MAML2: variants seen among roughly 807,000 people sequenced by gnomAD.
MAML2 encodes mastermind like transcriptional coactivator 2, also known as mastermind-like protein 2.
In MAML2, 22 loss-of-function variants were observed where a neutral mutation model predicts 96.1. That is an observed-to-expected ratio of 0.23 (90% CI 0.16 to 0.33). MAML2 has a LOEUF of 0.33. MAML2 is among the 10% of genes least tolerant of loss of function. The pLI is 1.00. For missense variants in MAML2, 1,367 were observed against 1,392.4 expected, an observed-to-expected ratio of 0.98 and a Z score of 0.29; for synonymous variants, 561 against 521.3, an observed-to-expected ratio of 1.08 and a Z score of -1.04.
At chr11:96,098,482 C>T (rs1045418418) in intron 1 of MAML2, among the ~76,000 whole-genome samples, 2 of 152,182 alleles carry the variant, frequency 1.3e-5, no homozygotes, top group Non-Finnish European at 2.9e-5. Context: ...ATTCATGAGA[C>T]TGTGCATTTA....
At chr11:96,222,667 T>C (rs1481676815) in intron 1 of MAML2, among the ~76,000 whole-genome samples, 4 of 152,232 alleles carry the variant, frequency 2.6e-5, no homozygotes, top group Non-Finnish European at 5.9e-5. Context: ...AGTACTCACC[T>C]ATTACCTTGA....
At chr11:96,221,689 CTTT>C (rs71040137) in intron 1 of MAML2, among the ~76,000 whole-genome samples, 16 of 105,758 alleles carry the variant, frequency 1.5e-4, no homozygotes, top group Admixed American at 2.0e-4. Context: ...TTCAGTCAAG[CTTT>C]TTTTTTTTTT....
chr11:96,250,353 C>G (rs554671638), intron 1 of MAML2, among the ~76,000 whole-genome samples: 3 of 152,014 alleles, frequency 2.0e-5, no homozygotes, highest in Non-Finnish European at 4.4e-5. Flanking sequence ...GTGCTCTGAT[C>G]AAGATAATTA....
At chr11:96,233,477 A>C (rs1367489480) in intron 1 of MAML2, among the ~76,000 whole-genome samples, 1 of 151,578 alleles carries the variant, frequency 6.6e-6, no homozygotes, top group African/African-American at 2.4e-5. Flanking sequence ...GTGCAATCAT[A>C]GCTTACTGCA....
intron 1 of MAML2, among the ~76,000 whole-genome samples, chr11:96,106,969 T>C (rs1445288377): frequency 7.0e-6 from 1 of 142,820 alleles, no homozygotes; most frequent in Non-Finnish European, 1.5e-5. Flanking sequence ...ATTGTAACTA[T>C]GAAAAGAGTC....
Position 96,020,615 on chromosome 11 carries a change from C to CA in MAML2, c.2140-28893dup, listed in dbSNP as rs1424807713. Among the ~76,000 whole-genome samples the CA allele has an allele frequency of 2.0e-5, 3 of 152,162 alleles. No individual in the cohort carries two copies. The East Asian group carries it at 5.8e-4, about 29-fold the overall frequency. On this transcript the variant is annotated intron_variant, in intron 2 of 4. Coordinates refer to ENST00000524717, the MANE Select transcript of MAML2 (RefSeq NM_032427.4). ...ATTCTGATGCAGTGGATCCGCAGGCCACGTGTGAACTGATGAGAGCTAGGT... is the reference window on the plus strand; with the variant it reads ...ATTCTGATGCAGTGGATCCGCAGGCCAACGTGTGAACTGATGAGAGCTAGGT...
At chr11:95,993,426 G>A (rs1015884726) in intron 2 of MAML2, among the ~76,000 whole-genome samples, 1 of 152,198 alleles carries the variant, frequency 6.6e-6, no homozygotes, top group African/African-American at 2.4e-5. Flanking sequence ...AATTAGTTGG[G>A]TGTGGTGGCA....
At position 96,140,430 on chromosome 11, in the gene MAML2, C is replaced by T. The variant is rs150311301; in HGVS notation, c.514-46913G>A. Among the ~76,000 whole-genome samples the T allele has an allele frequency of 8.1e-3, 1,229 of 152,318 alleles. 7 individuals are homozygous for T. The highest frequency in any genetic ancestry group is 0.012 in the Non-Finnish European group (831 of 68,028). On this transcript the variant is annotated intron_variant, in intron 1 of 4. Transcript: ENST00000524717. ...AGGTATGTAGTTTTGGGCTAAGGCACAGCCCTTCTGCCCAACATGAACAGG... is the reference window on the plus strand; with the variant it reads ...AGGTATGTAGTTTTGGGCTAAGGCATAGCCCTTCTGCCCAACATGAACAGG...
At chr11:96,303,372 G>T (rs1187719185) in intron 1 of MAML2, among the ~76,000 whole-genome samples, 1 of 152,122 alleles carries the variant, frequency 6.6e-6, no homozygotes, top group African/African-American at 2.4e-5. Flanking sequence ...CTGATGTGCT[G>T]TTTCCTTTGG....
chr11:96,112,091 G>A (rs368240911), intron 1 of MAML2, among the ~76,000 whole-genome samples: 2 of 152,182 alleles, frequency 1.3e-5, no homozygotes, highest in East Asian at 3.8e-4. Flanking sequence ...TATCAAGATT[G>A]TCAAAGATTA....
At chr11:96,094,525 C>G (rs1459187817) in intron 1 of MAML2, among the ~76,000 whole-genome samples, 1 of 152,196 alleles carries the variant, frequency 6.6e-6, no homozygotes, top group Non-Finnish European at 1.5e-5. Flanking sequence ...CTTGTCTAAA[C>G]AGCAACATGT....
chr11:96,034,634 T>C (rs1565195332), intron 2 of MAML2, among the ~76,000 whole-genome samples: 1 of 152,238 alleles, frequency 6.6e-6, no homozygotes, highest in Non-Finnish European at 1.5e-5. Flanking sequence ...TTTCAAATTC[T>C]GCCCAGAATA....
At chr11:96,282,206 G>A (rs1254869322) in intron 1 of MAML2, among the ~76,000 whole-genome samples, 1 of 150,428 alleles carries the variant, frequency 6.6e-6, no homozygotes. Flanking sequence ...CGGAGATCAA[G>A]TCACTGCACT....
At chr11:96,120,113 A>G (rs1860311391) in intron 1 of MAML2, among the ~76,000 whole-genome samples, 1 of 152,112 alleles carries the variant, frequency 6.6e-6, no homozygotes, top group Non-Finnish European at 1.5e-5. Flanking sequence ...GCCTGCCAGC[A>G]CGCCCGGCTA....
At chr11:96,315,518 A>G (rs1226231542) in intron 1 of MAML2, among the ~76,000 whole-genome samples, 1 of 152,182 alleles carries the variant, frequency 6.6e-6, no homozygotes, top group Non-Finnish European at 1.5e-5. Flanking sequence ...AATTTAAACT[A>G]GTCCTAGGAT....
rs1861186020 is a variant in MAML2 at position 96,166,138 on chromosome 11, CTCTCTCTCTCTGTCTG to C, written c.514-72637_514-72622del. On this transcript the variant is annotated intron_variant, in intron 1 of 4. Transcript: ENST00000524717. The stretch of plus-strand genomic sequence containing the variant: ...TTCCTCTCTGTCTCTCTTTCTCTGT[CTCTCTCTCTCTGTCTG>C]TCTCTCTCTCTCTCTCTCTCTCTCA... 3.6e-5 allele frequency among the ~76,000 whole-genome samples: 5 copies of C among 136,988 alleles called. No homozygotes were observed. The South Asian group carries it at 9.9e-4, about 27-fold the overall frequency. 89.9% of individuals were successfully genotyped at this position (136,988 alleles called of 152,430 possible).
chr11:96,225,063 T>G (rs1862192633), intron 1 of MAML2, among the ~76,000 whole-genome samples: 1 of 152,206 alleles, frequency 6.6e-6, no homozygotes, highest in Admixed American at 6.5e-5. Flanking sequence ...TGTTTAGGTA[T>G]TTTAGTGTTT....
intron 2 of MAML2, among the ~76,000 whole-genome samples, chr11:95,994,860 T>C (rs1409253337): frequency 6.6e-6 from 1 of 152,222 alleles, no homozygotes; most frequent in Admixed American, 6.5e-5. Context: ...TGCCATGCAA[T>C]GGACAAGACC....
chr11:96,146,717 A>G (rs1244894172), intron 1 of MAML2, among the ~76,000 whole-genome samples: 1 of 152,244 alleles, frequency 6.6e-6, no homozygotes, highest in Non-Finnish European at 1.5e-5. Flanking sequence ...TGAATACAGC[A>G]GTGAGGCAGG....
Sources: allele counts gnomAD v4.1 joint callset (sites outside exome capture counted in the v4.1 genomes callset), GRCh38; gene constraint gnomAD v4.1.1; transcripts MANE v1.5; gene names NCBI Gene and HGNC (gene_info 2026-07-23, HGNC 2026-07-21).